Variants in PODNL1 observed in about 807,000 individuals in gnomAD.
PODNL1 encodes the protein podocan-like protein 1.
A neutral mutation model predicts 45.1 loss-of-function variants in PODNL1; 50 were observed. The observed-to-expected ratio is 1.11, with a 90% CI of 0.88 to 1.40. PODNL1 has a LOEUF of 1.40. Ranked by LOEUF, PODNL1 falls within the 40% of genes most tolerant of loss-of-function variation. The pLI is 0.00. For missense variants in PODNL1, 788 were observed against 793.3 expected (o/e 0.99, Z 0.08); for synonymous variants, 406 against 372.5 (o/e 1.09, Z -1.04).
exon 1 of PODNL1, chr19:13,953,257 C>T: frequency 2.1e-6 from 2 of 971,266 alleles, no homozygotes; most frequent in Non-Finnish European, 3.0e-6. Context: ...TGATGTCTCT[C>T]TCCCCCATCA....
At chr19:13,950,964 G>A (rs1410459534) in intron 1 of PODNL1, among the ~76,000 whole-genome samples, 1 of 149,874 alleles carries the variant, frequency 6.7e-6, no homozygotes, top group African/African-American at 2.5e-5. Context: ...AGAATCGTTT[G>A]CTTGAACCCG....
Position 13,932,097 on chromosome 19 carries a change from G to C in PODNL1, c.1441C>G (p.His481Asp). ...LQALQMLDLSHNELSFVPPDL... is the reference protein window; with the variant it reads ...LQALQMLDLSDNELSFVPPDL... Reference sequence around the variant, plus strand: ...GGGGGCACAAAGGACAGCTCATTGTGGCTGAGGTCCAGCATCTGGGCAGGG... The same window carrying C: ...GGGGGCACAAAGGACAGCTCATTGTCGCTGAGGTCCAGCATCTGGGCAGGG... The change falls in exon 9 of 10, where the codon CAC (histidine) becomes GAC (aspartate). Residue 481 changes from histidine to aspartate, a missense_variant. This residue lies in a region of PODNL1 where 762 missense variants were observed against 750.9 expected (regional missense o/e 1.01). Coordinates refer to ENST00000588872, the MANE Select transcript of PODNL1 (RefSeq NM_001370095.3). 1 of 1,233,248 alleles carries C rather than the reference G, an allele frequency of 8.1e-7. No individual in the cohort carries two copies. Among genetic ancestry groups the C allele is most frequent in the Non-Finnish European group, 1.0e-6 (1 of 988,822 alleles). 76.4% of individuals were successfully genotyped at this position (1,233,248 alleles called of 1,614,324 possible).
intron 1 of PODNL1, among the ~76,000 whole-genome samples, chr19:13,947,938 C>T (rs1972875075): frequency 6.6e-6 from 1 of 152,122 alleles, no homozygotes; most frequent in Admixed American, 6.6e-5. Context: ...GGCTCACTTG[C>T]AGCCTTGAAC....
At chr19:13,932,471 C>G (rs778483452) in intron 8 of PODNL1, 7 of 618,872 alleles carry the variant, frequency 1.1e-5, no homozygotes, top group Non-Finnish European at 1.9e-5. Context: ...AAGCGATCCT[C>G]CTGCCTCAGC....
Position 13,933,836 on chromosome 19 carries a change from C to A in PODNL1, c.767+42G>T. On this transcript the variant is annotated intron_variant, in intron 7 of 9. Coordinates refer to ENST00000588872, the MANE Select transcript of PODNL1 (RefSeq NM_001370095.3). This position sits in a 1 kb window ranked among gnomAD's most constrained non-coding sequence, Gnocchi z 5.2. ...GGGGACTGAAGGTTGGGACCCCCGA[C>A]TGTAAATTCTCAGCCCCTGCTGCCC... is the stretch of plus-strand genomic sequence containing the variant. 1 of 1,522,798 alleles carries A rather than the reference C, an allele frequency of 6.6e-7. No individual in the cohort carries two copies. Among genetic ancestry groups the A allele is most frequent in the East Asian group, 2.4e-5 (1 of 41,420 alleles). 94.3% of individuals were successfully genotyped at this position (1,522,798 alleles called of 1,614,324 possible).
exon 1 of PODNL1, chr19:13,953,244 G>T: frequency 9.2e-7 from 1 of 1,086,536 alleles, no homozygotes. Context: ...CAGAGCTGGG[G>T]GATGATGTCT....
At chr19:13,948,046 G>A (rs1181809098) in intron 1 of PODNL1, among the ~76,000 whole-genome samples, 1 of 151,874 alleles carries the variant, frequency 6.6e-6, no homozygotes, top group African/African-American at 2.4e-5. Flanking sequence ...ATAGAGATGG[G>A]ATCTCACTAT....
upstream of PODNL1, among the ~76,000 whole-genome samples, chr19:13,942,464 G>T (rs1972685078): frequency 6.6e-6 from 1 of 152,146 alleles, no homozygotes; most frequent in Admixed American, 6.6e-5. Context: ...GATTGGCTAG[G>T]AACCTAACCA....
rs1971940582 is a variant in PODNL1 at position 13,931,539 on chromosome 19, C to G, written c.*198G>C. ...TTGGGAGTTTGGGGTAGGGTGTGTC[C>G]CGCCAGGCCGGCGTGGTCTGTGAGC... is the stretch of plus-strand genomic sequence containing the variant. On this transcript the variant is annotated 3_prime_UTR_variant, in exon 10 of 10. Transcript: ENST00000588872. 1 of 502,574 alleles carries G rather than the reference C, an allele frequency of 2.0e-6. No individual in the cohort carries two copies. Among genetic ancestry groups the G allele is most frequent in the Non-Finnish European group, 3.1e-6 (1 of 322,374 alleles). 31.1% of individuals were successfully genotyped at this position (502,574 alleles called of 1,614,324 possible).
chr19:13,943,535 C>T (rs551819864), intron 1 of PODNL1, among the ~76,000 whole-genome samples: 1 of 152,090 alleles, frequency 6.6e-6, no homozygotes, highest in Non-Finnish European at 1.5e-5. Flanking sequence ...GATCTTGATT[C>T]ACTGCAAGCT....
At chr19:13,948,588 C>T (rs1361128859) in intron 1 of PODNL1, among the ~76,000 whole-genome samples, 1 of 150,932 alleles carries the variant, frequency 6.6e-6, no homozygotes, top group Non-Finnish European at 1.5e-5. Context: ...AAGACTATTC[C>T]TGCCCCCATC....
At chr19:13,951,500 C>T (rs747231277) in intron 1 of PODNL1, among the ~76,000 whole-genome samples, 9 of 151,948 alleles carry the variant, frequency 5.9e-5, no homozygotes, top group East Asian at 3.9e-4. Context: ...AGGCCGGGCG[C>T]GGTGGCTTAT....
intron 8 of PODNL1, 64 bp from the exon 9 acceptor site, chr19:13,932,176 C>A (rs1159587312): frequency 2.4e-6 from 3 of 1,235,454 alleles, no homozygotes; most frequent in Admixed American, 4.1e-5. Context: ...GCTCAGCCAG[C>A]CCCCAACCTC....
At position 13,937,969 on chromosome 19, in the gene PODNL1, G is replaced by T; in HGVS notation, c.41C>A (p.Pro14His). 6.5e-7 allele frequency: 1 copy of T among 1,541,344 alleles called. No homozygotes were observed. The highest frequency in any genetic ancestry group is 8.8e-7 in the Non-Finnish European group (1 of 1,140,168). ...SLLLLLLLPGPPPVAGLEDAA... is the reference protein window; with the variant it reads ...SLLLLLLLPGHPPVAGLEDAA... ...GTCTTCCAAGCCGGCGACGGGCGGG[G>T]GCCCCGGCAACAGCAGGAGCAGCAG... Residue 14 changes from proline to histidine, a missense_variant, in exon 2 of 10, where the codon CCC becomes CAC. Physicochemically the swap from Pro to His is moderately conservative, Grantham distance 77. Transcript: ENST00000588872.
chr19:13,941,751 T>C (rs1009027495), upstream of PODNL1, among the ~76,000 whole-genome samples: 1 of 152,124 alleles, frequency 6.6e-6, no homozygotes, highest in Non-Finnish European at 1.5e-5. Context: ...AGGTGGAGGT[T>C]GCAGTGAGCC....
intron 1 of PODNL1, among the ~76,000 whole-genome samples, chr19:13,952,033 T>C (rs1973057101): frequency 6.6e-6 from 1 of 152,204 alleles, no homozygotes; most frequent in Admixed American, 6.5e-5. Context: ...TGTAAATCTC[T>C]TTCCTCGGCC....
chr19:13,941,385 G>A (rs1444283348), upstream of PODNL1, among the ~76,000 whole-genome samples: 2 of 144,600 alleles, frequency 1.4e-5, no homozygotes, highest in African/African-American at 2.6e-5. Flanking sequence ...AAAAAAAAAA[G>A]TATAGCGTCT....
chr19:13,953,241 G>T, exon 1 of PODNL1: 1 of 1,107,040 alleles, frequency 9.0e-7, no homozygotes, highest in Non-Finnish European at 1.3e-6. Context: ...TCCCAGAGCT[G>T]GGGGATGATG....
chr19:13,953,225 G>A, exon 1 of PODNL1: 1 of 1,288,934 alleles, frequency 7.8e-7, no homozygotes, highest in Non-Finnish European at 1.0e-6. Context: ...CCATCAGACT[G>A]GAAACTCCCA....
Sources: allele counts gnomAD v4.1 joint callset (sites outside exome capture counted in the v4.1 genomes callset), GRCh38; gene constraint gnomAD v4.1.1; regional missense constraint gnomAD v4.1.1; non-coding constraint Gnocchi (gnomAD v3.1); transcripts MANE v1.5; gene names NCBI Gene and HGNC (gene_info 2026-07-23, HGNC 2026-07-21).